PLCB4: variants seen among roughly 807,000 people sequenced by gnomAD.
PLCB4 encodes the protein 1-phosphatidylinositol 4,5-bisphosphate phosphodiesterase beta-4.
Under a neutral mutation model 178.8 loss-of-function variants are expected in PLCB4, and 77 were observed. The ratio of observed to expected loss-of-function variants is 0.43; its 90% CI spans 0.36 to 0.52. The LOEUF is 0.52. Among genes scored for constraint, PLCB4 ranks in the 20% least tolerant of loss-of-function variants. PLCB4 has a pLI of 0.00. For missense variants in PLCB4, 1,024 were observed against 1,453.4 expected, an observed-to-expected ratio of 0.70 and a Z score of 4.80; for synonymous variants, 496 against 490.8, an observed-to-expected ratio of 1.01 and a Z score of -0.14.
At chr20:9,272,413 G>A (rs762430887) in intron 3 of PLCB4, among the ~76,000 whole-genome samples, 1 of 151,984 alleles carries the variant, frequency 6.6e-6, no homozygotes, top group Non-Finnish European at 1.5e-5. Context: ...GCAATCAGAA[G>A]TCTAAAATGG....
intron 32 of PLCB4, among the ~76,000 whole-genome samples, chr20:9,451,784 C>T (rs2042787805): frequency 6.6e-6 from 1 of 152,164 alleles, no homozygotes; most frequent in African/African-American, 2.4e-5. Flanking sequence ...ACATTAGATT[C>T]ACTTTTAATC....
At chr20:9,383,193 G>A (rs2037290937) in intron 13 of PLCB4, among the ~76,000 whole-genome samples, 1 of 152,090 alleles carries the variant, frequency 6.6e-6, no homozygotes, top group Non-Finnish European at 1.5e-5. Flanking sequence ...CCATTTTGGA[G>A]GTAAACACCA....
chr20:9,350,661 T>G (rs957841076), intron 7 of PLCB4, among the ~76,000 whole-genome samples: 1 of 152,136 alleles, frequency 6.6e-6, no homozygotes, highest in African/African-American at 2.4e-5. Flanking sequence ...CGGGTTCAAG[T>G]TATTCTTGTG....
chr20:9,329,864 C>T (rs1203465502), intron 4 of PLCB4, among the ~76,000 whole-genome samples: 1 of 152,078 alleles, frequency 6.6e-6, no homozygotes, highest in East Asian at 1.9e-4. Context: ...ATGGAATGAA[C>T]ATTCTATATC....
rs746558113 is a variant in PLCB4 at position 9,389,976 on chromosome 20, G to T, written c.1238+18G>T. 3.0e-6 allele frequency: 4 copies of T among 1,334,542 alleles called. No individual in the cohort carries two copies. The South Asian group carries it at 3.5e-5, about 12-fold the overall frequency. The allele number at this position is 1,334,542 out of a possible 1,614,324, so 82.7% of individuals were successfully genotyped here. A position where few individuals can be genotyped will look rare whatever the true frequency, so the allele number is the denominator to read the frequency against. On this transcript the variant is annotated intron_variant, in intron 16 of 39. Coordinates refer to ENST00000378473, the MANE Select transcript of PLCB4 (RefSeq NM_001377142.1). Reference sequence around the variant, plus strand: ...CACTGCAGGTATAATGATCCATTCTGCCACAAGTCTCTATGTGGTATTGTT... The same window carrying T: ...CACTGCAGGTATAATGATCCATTCTTCCACAAGTCTCTATGTGGTATTGTT...
Position 9,079,212 on chromosome 20 carries a change from C to T in PLCB4, c.-135+10006C>T, listed in dbSNP as rs542868979. On this transcript the variant is annotated intron_variant, in intron 1 of 39. Transcript: ENST00000378473. ...GGCACCACCTGGTCACTCTTTCAAC[C>T]TGTATCATTCAGGGCCCTGCTGGGG... Among the ~76,000 whole-genome samples the T allele has an allele frequency of 2.6e-5, 4 of 152,356 alleles. No individual in the cohort carries two copies. In the South Asian group the frequency reaches 8.3e-4, roughly 32 times the overall value.
chr20:9,197,232 T>C (rs1601075640), intron 2 of PLCB4, among the ~76,000 whole-genome samples: 1 of 152,172 alleles, frequency 6.6e-6, no homozygotes, highest in African/African-American at 2.4e-5. Flanking sequence ...GATTTTATTA[T>C]TGTCAACCCA....
intron 2 of PLCB4, among the ~76,000 whole-genome samples, chr20:9,151,687 G>A (rs914204335): frequency 6.6e-6 from 1 of 152,084 alleles, no homozygotes; most frequent in African/African-American, 2.4e-5. Context: ...TTTATCAGCA[G>A]TGTGAAAACA....
chr20:9,243,776 A>G (rs1353537075), intron 3 of PLCB4, among the ~76,000 whole-genome samples: 1 of 152,196 alleles, frequency 6.6e-6, no homozygotes, highest in Admixed American at 6.5e-5. Flanking sequence ...GCCACTTCCT[A>G]GCCTCCTGCA....
At chr20:9,344,391 A>G (rs1433351626) in intron 7 of PLCB4, among the ~76,000 whole-genome samples, 1 of 152,030 alleles carries the variant, frequency 6.6e-6, no homozygotes, top group Non-Finnish European at 1.5e-5. Context: ...TTACCATAAT[A>G]TCCATTTATT....
chr20:9,098,988 A>C (rs6056402), intron 2 of PLCB4, among the ~76,000 whole-genome samples: 2 of 151,038 alleles, frequency 1.3e-5, no homozygotes, highest in Non-Finnish European at 2.9e-5. Flanking sequence ...CATTCCTGCT[A>C]TAAGGAAATA....
At chr20:9,414,218 C>T (rs1449310651) in intron 25 of PLCB4, among the ~76,000 whole-genome samples, 1 of 152,252 alleles carries the variant, frequency 6.6e-6, no homozygotes, top group Non-Finnish European at 1.5e-5. Context: ...TGGGGCAGCC[C>T]AGCTTGATAA....
chr20:9,187,429 T>G (rs1404574203), intron 2 of PLCB4, among the ~76,000 whole-genome samples: 1 of 152,210 alleles, frequency 6.6e-6, no homozygotes, highest in Non-Finnish European at 1.5e-5. Flanking sequence ...AGACACTTAC[T>G]CTTCTGTCTT....
At chr20:9,452,497 G>A (rs1307149606) in intron 32 of PLCB4, among the ~76,000 whole-genome samples, 2 of 152,166 alleles carry the variant, frequency 1.3e-5, no homozygotes, top group African/African-American at 4.8e-5. Flanking sequence ...GTCATTTAGA[G>A]TTGGAAATTT....
intron 3 of PLCB4, among the ~76,000 whole-genome samples, chr20:9,296,807 A>G (rs968698383): frequency 2.0e-5 from 3 of 152,046 alleles, no homozygotes; most frequent in Non-Finnish European, 2.9e-5. Flanking sequence ...GAATTGAACA[A>G]TGAGAACACA....
At chr20:9,389,763 G>A (rs1224684595) in intron 15 of PLCB4, 116 bp from the exon 16 acceptor site, 3 of 617,940 alleles carry the variant, frequency 4.9e-6, no homozygotes, top group Non-Finnish European at 8.6e-6. Context: ...GGGGCTCCAG[G>A]TCTGAATTGC....
chr20:9,324,352 G>A (rs931845573), intron 4 of PLCB4, among the ~76,000 whole-genome samples: 9 of 152,050 alleles, frequency 5.9e-5, no homozygotes, highest in African/African-American at 1.9e-4. Context: ...CTTGAACTCG[G>A]GAGGCAGAGG....
At chr20:9,205,719 C>T (rs2093607109) in intron 2 of PLCB4, among the ~76,000 whole-genome samples, 1 of 152,188 alleles carries the variant, frequency 6.6e-6, no homozygotes, top group South Asian at 2.1e-4. Context: ...GACACGACCA[C>T]AGTCAGAAAT....
At chr20:9,139,262 A>G (rs2092441117) in intron 2 of PLCB4, among the ~76,000 whole-genome samples, 1 of 151,896 alleles carries the variant, frequency 6.6e-6, no homozygotes, top group Non-Finnish European at 1.5e-5. Flanking sequence ...GCTTAAAACA[A>G]CCACCACCAT....
Sources: gnomAD v4.1 joint callset for allele counts (sites outside exome capture counted in the v4.1 genomes callset) on GRCh38, gnomAD v4.1.1 for gene constraint, MANE v1.5 for transcripts, NCBI Gene and HGNC (gene_info 2026-07-23, HGNC 2026-07-21) for gene names.